TPTE: variants seen among roughly 807,000 people sequenced by gnomAD.
TPTE encodes the protein putative tyrosine-protein phosphatase TPTE.
A neutral mutation model predicts 84.1 loss-of-function variants in TPTE; 59 were observed. The ratio of observed to expected loss-of-function variants is 0.70; its 90% CI spans 0.57 to 0.87. TPTE has a LOEUF of 0.87. Ranked by LOEUF, TPTE falls within the 40% of genes least tolerant of loss-of-function variation. The pLI, the probability that TPTE is intolerant of heterozygous loss-of-function variation, is 0.00. For synonymous variants in TPTE, 130 were observed against 223.5 expected, an observed-to-expected ratio of 0.58 and a Z score of 3.73; for missense variants, 382 against 659.6, an observed-to-expected ratio of 0.58 and a Z score of 4.61.
At chr21:10,543,555 G>T (rs1356902089) in intron 7 of TPTE, among the ~76,000 whole-genome samples, 173 bp downstream of exon 7, 1 of 152,310 alleles carries the variant, frequency 6.6e-6, no homozygotes, top group Non-Finnish European at 1.5e-5. Context: ...GGAGACAGAT[G>T]GACATTTGTG....
chr21:10,593,454 CTT>C (rs1158797182), intron 19 of TPTE, among the ~76,000 whole-genome samples: 2 of 152,294 alleles, frequency 1.3e-5, no homozygotes, highest in Non-Finnish European at 2.9e-5. Context: ...TCCTAAGTCT[CTT>C]TTAAGAATCT....
intron 10 of TPTE, among the ~76,000 whole-genome samples, chr21:10,563,178 A>AG (rs1054889779): frequency 6.6e-6 from 1 of 152,308 alleles, no homozygotes; most frequent in African/African-American, 2.4e-5. Context: ...TTCAAAGTGA[A>AG]GGGGAAATAA....
At position 10,589,642 on chromosome 21, in the gene TPTE, G is replaced by A. The variant is rs1671628866; in HGVS notation, c.1028-820G>A. Reference sequence around the variant, plus strand: ...TTCTCAAATGAGCTCCAAGGCTTGGGAGAAACAATCTCTTCCTCTGCCCGG... The same window carrying A: ...TTCTCAAATGAGCTCCAAGGCTTGGAAGAAACAATCTCTTCCTCTGCCCGG... On this transcript the variant is annotated intron_variant, in intron 17 of 23. Coordinates refer to ENST00000618007, the MANE Select transcript of TPTE (RefSeq NM_199261.4). Among the ~76,000 whole-genome samples, 3 of 152,306 alleles carry A rather than the reference G, an allele frequency of 2.0e-5. No individual in the cohort carries two copies. The South Asian group carries it at 6.2e-4, about 32-fold the overall frequency.
chr21:10,526,299 C>T (rs562889604), intron 2 of TPTE, among the ~76,000 whole-genome samples: 1 of 152,426 alleles, frequency 6.6e-6, no homozygotes, highest in Admixed American at 6.5e-5. Context: ...GCACTCCTTT[C>T]CTCACAGGCT....
At chr21:10,573,744 T>A (rs2075092602) in intron 14 of TPTE, among the ~76,000 whole-genome samples, 1 of 152,306 alleles carries the variant, frequency 6.6e-6, no homozygotes, top group Non-Finnish European at 1.5e-5. Flanking sequence ...GGAAACAGAT[T>A]TTTTAAATGA....
intron 14 of TPTE, among the ~76,000 whole-genome samples, chr21:10,570,940 A>T (rs1600925342): frequency 6.6e-6 from 1 of 152,306 alleles, no homozygotes; most frequent in African/African-American, 2.4e-5. Context: ...GAGCCACTGC[A>T]TGCTAAATGC....
chr21:10,533,225 C>T (rs1280571718), intron 3 of TPTE, among the ~76,000 whole-genome samples: 2 of 152,300 alleles, frequency 1.3e-5, no homozygotes, highest in African/African-American at 4.8e-5. Flanking sequence ...TGTATCCAAA[C>T]TACTATTTAT....
At chr21:10,584,634 C>T (rs369436511) in intron 17 of TPTE, among the ~76,000 whole-genome samples, 37 of 152,376 alleles carry the variant, frequency 2.4e-4, no homozygotes, top group Admixed American at 5.9e-4. Context: ...TCTGAGCCAC[C>T]GTGCCCAGCC....
At chr21:10,552,139 A>G (rs1022508610) in intron 7 of TPTE, among the ~76,000 whole-genome samples, 2 of 152,308 alleles carry the variant, frequency 1.3e-5, no homozygotes, top group African/African-American at 2.4e-5. Flanking sequence ...TTTTTAACCA[A>G]TAAAGTAGTT....
At chr21:10,577,638 T>A (rs2075184753) in intron 15 of TPTE, 118 bp downstream of exon 15, 1 of 1,575,276 alleles carries the variant, frequency 6.3e-7, no homozygotes, top group Non-Finnish European at 8.6e-7. Flanking sequence ...TGGCAAGGAA[T>A]GAATTTAAAA....
intron 7 of TPTE, among the ~76,000 whole-genome samples, chr21:10,547,943 C>A (rs967640820): frequency 6.6e-6 from 1 of 152,310 alleles, no homozygotes; most frequent in Admixed American, 6.5e-5. Flanking sequence ...AGCCTCTGAG[C>A]AGCTGATACA....
intron 3 of TPTE, among the ~76,000 whole-genome samples, chr21:10,533,819 A>AAC (rs2074222845): frequency 6.6e-6 from 1 of 152,310 alleles, no homozygotes; most frequent in African/African-American, 2.4e-5. Flanking sequence ...AGGTAAATTT[A>AAC]AGAGTTTAAT....
At chr21:10,537,537 G>A (rs1374349698) in intron 3 of TPTE, among the ~76,000 whole-genome samples, 4 of 152,290 alleles carry the variant, frequency 2.6e-5, no homozygotes, top group Non-Finnish European at 4.4e-5. Context: ...AATTAGCCGG[G>A]TGTGGTGGCG....
intron 2 of TPTE, among the ~76,000 whole-genome samples, chr21:10,527,133 C>CTCTCT (rs1555885296): frequency 4.0e-5 from 6 of 148,502 alleles, no homozygotes; most frequent in Admixed American, 2.0e-4. Flanking sequence ...TTCTGTGTCC[C>CTCTCT]CTCTCTCTCT....
chr21:10,555,463 C>T (rs2074663166), intron 8 of TPTE, among the ~76,000 whole-genome samples: 1 of 152,308 alleles, frequency 6.6e-6, no homozygotes, highest in Admixed American at 6.5e-5. Context: ...ACCTTGGCCA[C>T]CCAAAGTGCT....
At chr21:10,538,591 T>C in intron 3 of TPTE, 90 bp from the exon 4 acceptor site, 1 of 1,581,978 alleles carries the variant, frequency 6.3e-7, no homozygotes, top group Non-Finnish European at 8.7e-7. Context: ...TTAACTGGTT[T>C]ATGTGCAGAT....
chr21:10,548,359 C>T (rs1436928322), intron 7 of TPTE, among the ~76,000 whole-genome samples: 6 of 152,422 alleles, frequency 3.9e-5, no homozygotes, highest in South Asian at 4.1e-4. Context: ...CCAGCAGATG[C>T]ACCTCCAGAC....
chr21:10,581,374 A>G (rs868387595), intron 17 of TPTE, among the ~76,000 whole-genome samples: 465 of 151,582 alleles, frequency 3.1e-3, no homozygotes, highest in African/African-American at 0.011. Flanking sequence ...GCTTGAAGGA[A>G]AACAATCATT....
At chr21:10,522,472 C>T (rs2073999584) in intron 1 of TPTE, among the ~76,000 whole-genome samples, 1 of 152,306 alleles carries the variant, frequency 6.6e-6, no homozygotes, top group South Asian at 2.1e-4. Context: ...GGGACGTCGG[C>T]GTAGGGTCCC....
Sources: gnomAD v4.1 joint callset for allele counts (sites outside exome capture counted in the v4.1 genomes callset) on GRCh38, gnomAD v4.1.1 for gene constraint, MANE v1.5 for transcripts, NCBI Gene and HGNC (gene_info 2026-07-23, HGNC 2026-07-21) for gene names.